Variants in ZFYVE28 observed in about 807,000 individuals in gnomAD.
ZFYVE28 encodes lateral signaling target protein 2 homolog.
A neutral mutation model predicts 82.1 loss-of-function variants in ZFYVE28; 40 were observed. The ratio of observed to expected loss-of-function variants is 0.49; its 90% confidence interval spans 0.38 to 0.63. ZFYVE28 has a LOEUF of 0.63. Ranked by LOEUF, ZFYVE28 falls within the 30% of genes least tolerant of loss-of-function variation. The pLI is 0.00. For synonymous variants in ZFYVE28, 612 were observed against 546.1 expected (o/e 1.12, Z -1.68); for missense variants, 1,321 against 1,242.1 (o/e 1.06, Z -0.96).
chr4:2,414,556 G>A (rs997894393), intron 1 of ZFYVE28, among the ~76,000 whole-genome samples: 11 of 152,186 alleles, frequency 7.2e-5, no homozygotes, highest in Non-Finnish European at 1.2e-4. Flanking sequence ...AGCTCTTCTC[G>A]GAGTGCAAGG....
At position 2,304,987 on chromosome 4, in the gene ZFYVE28, G is replaced by A. The variant is rs745502239; in HGVS notation, c.1353C>T (p.Ala451=). 1.2e-5 allele frequency: 20 copies of A among 1,612,624 alleles called. No homozygotes were observed. The East Asian group carries it at 4.0e-4, about 32-fold the overall frequency. ...TGCTCAAGTCCTCCTCCTTTTCCGAGGCGGGCAAGCTGATCCCCGCCGCTC... is the reference window on the plus strand; with the variant it reads ...TGCTCAAGTCCTCCTCCTTTTCCGAAGCGGGCAAGCTGATCCCCGCCGCTC... The part of the protein sequence containing the change: ...PGGAAGISLP[A]SEKEEDLSNN... The change falls in exon 8 of 13, where the codon GCC becomes GCT. Residue 451 remains alanine (A), a synonymous_variant. Transcript: ENST00000290974.
intron 6 of ZFYVE28, among the ~76,000 whole-genome samples, chr4:2,321,281 C>G (rs528559917): frequency 6.6e-6 from 1 of 152,284 alleles, no homozygotes; most frequent in South Asian, 2.1e-4. Context: ...CAGCCAACAC[C>G]GAGTCCCTGG....
At chr4:2,315,075 C>T (rs144243252) in intron 7 of ZFYVE28, among the ~76,000 whole-genome samples, 2 of 152,110 alleles carry the variant, frequency 1.3e-5, no homozygotes, top group East Asian at 1.9e-4. Flanking sequence ...CGCACCTGGC[C>T]TCTCTAGCAT....
rs549387736 is a variant in ZFYVE28, at chr4:2,292,857, C to T, written c.2051+11432G>A. ...AAAGGCATGACAAGAAGACGGCTGCCTGACAGTCCTCTCAGACAGATGCAA... is the reference window on the plus strand; with the variant it reads ...AAAGGCATGACAAGAAGACGGCTGCTTGACAGTCCTCTCAGACAGATGCAA... On this transcript the variant is annotated intron_variant, in intron 8 of 12. Transcript: ENST00000290974. Among the ~76,000 whole-genome samples, 5 of 152,184 alleles carry T rather than the reference C, an allele frequency of 3.3e-5. No homozygotes were observed. In the South Asian group the frequency reaches 1.0e-3, roughly 32 times the overall value.
At chr4:2,381,288 G>T (rs767038270) in intron 1 of ZFYVE28, among the ~76,000 whole-genome samples, 30 of 152,230 alleles carry the variant, frequency 2.0e-4, no homozygotes, top group Non-Finnish European at 3.8e-4. Flanking sequence ...GGTATCTGCG[G>T]GAAGAAATTT....
At chr4:2,305,664 C>A in intron 7 of ZFYVE28, 128 bp from the exon 8 acceptor site, 1 of 1,165,002 alleles carries the variant, frequency 8.6e-7, no homozygotes, top group Non-Finnish European at 1.2e-6. Flanking sequence ...ATGCTTGCAA[C>A]TGAATTCTCA....
At position 2,354,059 on chromosome 4, in the gene ZFYVE28, C is replaced by T; in HGVS notation, c.54G>A (p.Gln18=). ...CGGCATAGTAGAACCGGGCAAGCAG[C>T]TGCGGATCCGACCTCTGCAGGAGAG... ...WLYKPKRSDP[Q]LLARFYYADE... is the part of the protein sequence containing the mutation. The change falls in exon 2 of 13, where the codon CAG becomes CAA. Residue 18 remains glutamine, a synonymous_variant. Coordinates refer to ENST00000290974, the MANE Select transcript of ZFYVE28 (RefSeq NM_020972.3). 1 of 1,569,098 alleles carries T rather than the reference C, an allele frequency of 6.4e-7. No homozygotes were observed. Among genetic ancestry groups the T allele is most frequent in the African/African-American group, 1.4e-5 (1 of 73,118 alleles).
intron 1 of ZFYVE28, among the ~76,000 whole-genome samples, chr4:2,405,868 T>C (rs1444366312): frequency 6.6e-6 from 1 of 151,530 alleles, no homozygotes; most frequent in South Asian, 2.1e-4. Context: ...GCCAACATGG[T>C]GAAACCCCCA....
intron 8 of ZFYVE28, among the ~76,000 whole-genome samples, chr4:2,280,612 T>G (rs1711830189): frequency 6.6e-6 from 1 of 152,270 alleles, no homozygotes; most frequent in Non-Finnish European, 1.5e-5. Context: ...ATCTTACACT[T>G]ACTTGAGTAG....
At chr4:2,359,921 T>C (rs992294385) in intron 1 of ZFYVE28, among the ~76,000 whole-genome samples, 1 of 152,088 alleles carries the variant, frequency 6.6e-6, no homozygotes, top group Non-Finnish European at 1.5e-5. Flanking sequence ...GGGCTCAAGC[T>C]TCCCTGAAAG....
intron 1 of ZFYVE28, among the ~76,000 whole-genome samples, chr4:2,401,344 T>A (rs1731152604): frequency 6.6e-6 from 1 of 152,052 alleles, no homozygotes; most frequent in Non-Finnish European, 1.5e-5. Flanking sequence ...AGGGAAGCAC[T>A]GCCACCTCCA....
chr4:2,271,113 G>A, intron 12 of ZFYVE28, 198 bp downstream of exon 12: 11 of 734,570 alleles, frequency 1.5e-5, no homozygotes, highest in Non-Finnish European at 2.0e-5. Flanking sequence ...AGCCGGGACT[G>A]GACATGGGCA....
rs764897910 is a variant in ZFYVE28, at chr4:2,270,695, G to A, written c.*30C>T. On this transcript the variant is annotated 3_prime_UTR_variant, in exon 13 of 13. Transcript: ENST00000290974. ...CCACCTTCCTGGGGGTTCCTGGCCC[G>A]GGTGGGTTGGGGCTGCCCCTGGCAC... 25 of 1,612,046 alleles carry A rather than the reference G, an allele frequency of 1.6e-5. No individual in the cohort carries two copies. The highest frequency in any genetic ancestry group is 4.5e-5 in the East Asian group (2 of 44,864).
chr4:2,271,479 C>T (rs1735903187), intron 11 of ZFYVE28, 65 bp from the exon 12 acceptor site: 1 of 1,549,446 alleles, frequency 6.5e-7, no homozygotes, highest in Non-Finnish European at 8.9e-7. Context: ...CCGGGACCCT[C>T]AACCTACCCT....
intron 8 of ZFYVE28, 97 bp downstream of exon 8, chr4:2,304,192 C>G: frequency 4.1e-6 from 6 of 1,452,926 alleles, no homozygotes; most frequent in Non-Finnish European, 5.5e-6. Flanking sequence ...GCCAAGATGG[C>G]TCAGGTAGAA....
chr4:2,363,573 G>A lies in ZFYVE28; in HGVS notation c.40-9500C>T, dbSNP rs1479273947. On this transcript the variant is annotated intron_variant, in intron 1 of 12. Transcript: ENST00000290974. ...TGCAGTCAGCAATCCATCTGCCCTG[G>A]GCAGCCTTCCCGACACTGGGGACTG... Among the ~76,000 whole-genome samples the A allele has an allele frequency of 3.3e-5, 5 of 152,180 alleles. No individual in the cohort carries two copies. In the South Asian group the frequency reaches 1.0e-3, roughly 32 times the overall value.
At position 2,305,031 on chromosome 4, in the gene ZFYVE28, C is replaced by T. The variant is rs753704957; in HGVS notation, c.1309G>A (p.Gly437Arg). ...GCCGCTCCGCCTGGCCCACCCTGCC[C>T]TTTCTCCTGGGGGTCGGCCCAGGTA... Reference protein sequence around the residue: ...GSTWADPQEKGQGGPGGAAGI... With the variant: ...GSTWADPQEKRQGGPGGAAGI... The change falls in exon 8 of 13, where the codon GGG (glycine) becomes AGG (arginine). Residue 437 changes from glycine to arginine, a missense_variant. By Grantham distance (125) the Gly-to-Arg change is moderately radical. Coordinates refer to ENST00000290974, the MANE Select transcript of ZFYVE28 (RefSeq NM_020972.3). The T allele has an allele frequency of 6.2e-7, 1 of 1,612,758 alleles. No homozygotes were observed. Among genetic ancestry groups the T allele is most frequent in the Non-Finnish European group, 8.5e-7 (1 of 1,179,882 alleles).
intron 8 of ZFYVE28, among the ~76,000 whole-genome samples, chr4:2,294,319 A>G (rs1207092441): frequency 6.6e-6 from 1 of 152,248 alleles, no homozygotes; most frequent in Non-Finnish European, 1.5e-5. Context: ...GCTGAAGATA[A>G]AAATGCAAAG....
chr4:2,297,533 G>A (rs553311406), intron 8 of ZFYVE28, among the ~76,000 whole-genome samples: 19 of 152,342 alleles, frequency 1.2e-4, no homozygotes, highest in African/African-American at 3.4e-4. Context: ...GATGCCACCC[G>A]GGATAGCTGT....
Sources: allele counts gnomAD v4.1 joint callset (sites outside exome capture counted in the v4.1 genomes callset), GRCh38; gene constraint gnomAD v4.1.1; transcripts MANE v1.5; gene names NCBI Gene and HGNC (gene_info 2026-07-23, HGNC 2026-07-21).